KIAA0232: variants seen among roughly 807,000 people sequenced by gnomAD.
KIAA0232 encodes the protein uncharacterized protein KIAA0232.
Under a neutral mutation model 122.0 loss-of-function variants are expected in KIAA0232, and 27 were observed. The observed-to-expected ratio is 0.22, with a 90% CI of 0.16 to 0.31. KIAA0232 has a LOEUF of 0.31. Among genes scored for constraint, KIAA0232 ranks in the 10% least tolerant of loss-of-function variants. The pLI is 1.00. For missense variants in KIAA0232, 1,551 were observed against 1,634.2 expected (o/e 0.95, Z 0.88); for synonymous variants, 613 against 587.6 (o/e 1.04, Z -0.63).
At chr4:6,829,097 A>G (rs1718839675) in intron 3 of KIAA0232, among the ~76,000 whole-genome samples, 1 of 151,976 alleles carries the variant, frequency 6.6e-6, no homozygotes, top group African/African-American at 2.4e-5. Flanking sequence ...TGACATGGAC[A>G]CTTTTGGAGA....
intron 3 of KIAA0232, among the ~76,000 whole-genome samples, chr4:6,835,228 A>G (rs977462730): frequency 1.3e-5 from 2 of 152,186 alleles, no homozygotes; most frequent in Admixed American, 6.5e-5. Flanking sequence ...GAGTAGCCCA[A>G]GAGAATCAGG....
chr4:6,813,896 C>T (rs1187419030), intron 2 of KIAA0232, among the ~76,000 whole-genome samples: 2 of 152,110 alleles, frequency 1.3e-5, no homozygotes, highest in African/African-American at 4.8e-5. Context: ...GTGAGCCTGG[C>T]TTGACGTCTG....
chr4:6,875,459 G>C (rs1298795747), intron 8 of KIAA0232, among the ~76,000 whole-genome samples: 1 of 152,244 alleles, frequency 6.6e-6, no homozygotes, highest in Non-Finnish European at 1.5e-5. Context: ...AGTTCTTGGA[G>C]CCGTCAGAGA....
At position 6,880,754 on chromosome 4, in the gene KIAA0232, T is replaced by G; in HGVS notation, c.4009-33T>G. 4 of 1,456,968 alleles carry G rather than the reference T, an allele frequency of 2.7e-6. No homozygotes were observed. The East Asian group carries it at 1.0e-4, about 37-fold the overall frequency. 90.3% of individuals were successfully genotyped at this position (1,456,968 alleles called of 1,614,324 possible). On this transcript the variant is annotated intron_variant, in intron 9 of 9. Coordinates refer to ENST00000307659, the MANE Select transcript of KIAA0232 (RefSeq NM_014743.3). ...TCACCCTTTTGGGGAAAAAAAAGTC[T>G]TTTTGATGTGTTGAAAATTGTTTTA...
At chr4:6,820,117 CAGT>C (rs1718351038) in intron 2 of KIAA0232, among the ~76,000 whole-genome samples, 1 of 152,032 alleles carries the variant, frequency 6.6e-6, no homozygotes, top group Non-Finnish European at 1.5e-5. Flanking sequence ...GGGAGGGAGG[CAGT>C]AGGTGTTGAA....
chr4:6,819,891 A>T (rs1379036524), intron 2 of KIAA0232, among the ~76,000 whole-genome samples: 2 of 152,236 alleles, frequency 1.3e-5, no homozygotes, highest in African/African-American at 2.4e-5. Flanking sequence ...TGTGGTACAT[A>T]TATACCATGG....
At chr4:6,805,039 ATTTCC>A (rs768966287) in intron 2 of KIAA0232, among the ~76,000 whole-genome samples, 51 of 152,162 alleles carry the variant, frequency 3.4e-4, no homozygotes, top group Non-Finnish European at 4.7e-4. Flanking sequence ...CAGCTTTGAT[ATTTCC>A]CTAATTTATG....
At chr4:6,819,536 A>T (rs1718320620) in intron 2 of KIAA0232, among the ~76,000 whole-genome samples, 1 of 152,218 alleles carries the variant, frequency 6.6e-6, no homozygotes, top group African/African-American at 2.4e-5. Flanking sequence ...GAGAAATGCA[A>T]ATCAAAACCA....
intron 1 of KIAA0232, among the ~76,000 whole-genome samples, chr4:6,789,214 GC>G (rs1215595998): frequency 1.3e-5 from 2 of 151,150 alleles, no homozygotes; most frequent in African/African-American, 4.9e-5. Context: ...CTCGTGGTCT[GC>G]CCGCTTTGGC....
chr4:6,854,700 C>G (rs1055936001), intron 4 of KIAA0232, among the ~76,000 whole-genome samples: 1 of 152,156 alleles, frequency 6.6e-6, no homozygotes, highest in African/African-American at 2.4e-5. Flanking sequence ...TGGATATTAT[C>G]CATTTTACAG....
intron 1 of KIAA0232, among the ~76,000 whole-genome samples, chr4:6,795,476 T>G (rs1284486687): frequency 6.6e-6 from 1 of 152,244 alleles, no homozygotes; most frequent in Non-Finnish European, 1.5e-5. Context: ...CAATGTAACA[T>G]ATATCATTAA....
At chr4:6,807,018 TTGTC>T (rs565964056) in intron 2 of KIAA0232, among the ~76,000 whole-genome samples, 285 of 145,430 alleles carry the variant, frequency 2.0e-3, no homozygotes, top group African/African-American at 6.0e-3. Context: ...TTTTTCCTTT[TTGTC>T]TGTCTGTCTG....
chr4:6,790,494 A>G (rs572629741), intron 1 of KIAA0232, among the ~76,000 whole-genome samples: 42 of 149,648 alleles, frequency 2.8e-4, no homozygotes, highest in African/African-American at 9.6e-4. Flanking sequence ...TCCTGGGCTC[A>G]AGTGATCCTC....
chr4:6,825,573 G>A (rs1278590925), intron 3 of KIAA0232, among the ~76,000 whole-genome samples: 2 of 133,528 alleles, frequency 1.5e-5, no homozygotes, highest in East Asian at 2.0e-4. Flanking sequence ...ACGCATACAC[G>A]AGAGAGAGAG....
chr4:6,830,498 C>G (rs371537408), intron 3 of KIAA0232, among the ~76,000 whole-genome samples: 2 of 150,686 alleles, frequency 1.3e-5, no homozygotes, highest in African/African-American at 4.9e-5. Context: ...GCCTCTGCCT[C>G]CTGGGTTCAA....
rs142666170 is a variant in KIAA0232, at chr4:6,819,895, A to G, written c.-269-4290A>G. On this transcript the variant is annotated intron_variant, in intron 2 of 9. Transcript: ENST00000307659. ...CATAAATAAAATGTGGTACATATAT[A>G]CCATGGAATACTATGCAGCCATTAA... Among the ~76,000 whole-genome samples, 793 of 152,274 alleles carry G rather than the reference A, an allele frequency of 5.2e-3. 7 individuals carry two copies. The highest frequency in any genetic ancestry group is 0.018 in the African/African-American group (759 of 41,564).
chr4:6,863,199 C>T lies in KIAA0232; in HGVS notation c.2817C>T (p.Thr939=). ...ILGGVYGELK[T]FNSDGEWAVV... ...GAGGAGTTTATGGAGAACTCAAAAC[C>T]TTCAATAGTGATGGGGAGTGGGCAG... Residue 939 remains threonine (T), a synonymous_variant, in exon 7 of 10, where the codon ACC becomes ACT. Transcript: ENST00000307659. 1 of 1,613,910 alleles carries T rather than the reference C, an allele frequency of 6.2e-7. No individual in the cohort carries two copies.
At chr4:6,821,099 T>G (rs1718400989) in intron 2 of KIAA0232, among the ~76,000 whole-genome samples, 1 of 152,234 alleles carries the variant, frequency 6.6e-6, no homozygotes. Flanking sequence ...AATTTCAACA[T>G]GAGGCTTGGA....
chr4:6,785,302 A>G (rs576829727), intron 1 of KIAA0232, among the ~76,000 whole-genome samples: 25 of 152,164 alleles, frequency 1.6e-4, no homozygotes, highest in Non-Finnish European at 3.7e-4. Context: ...ACTCTGTGCT[A>G]TGTTGTACGG....
Sources: allele counts gnomAD v4.1 joint callset (sites outside exome capture counted in the v4.1 genomes callset), GRCh38; gene constraint gnomAD v4.1.1; transcripts MANE v1.5; gene names NCBI Gene and HGNC (gene_info 2026-07-23, HGNC 2026-07-21).